The following MYO5B variants were observed in gnomAD, a reference collection of about 807,000 sequenced individuals.
MYO5B encodes unconventional myosin-Vb.
A neutral mutation model predicts 229.3 loss-of-function variants in MYO5B; 143 were observed. The observed-to-expected ratio is 0.62, with a 90% CI of 0.54 to 0.72. MYO5B has a LOEUF of 0.72. Among genes scored for constraint, MYO5B ranks in the 30% least tolerant of loss-of-function variants. The pLI, the probability that MYO5B is intolerant of heterozygous loss-of-function variation, is 0.00. For missense variants in MYO5B, 2,321 were observed against 2,331.0 expected (o/e 1.00, Z 0.09); for synonymous variants, 918 against 885.2 (o/e 1.04, Z -0.66).
At chr18:49,872,311 C>T (rs1171144902) in intron 26 of MYO5B, 79 bp from the exon 27 acceptor site, 2 of 1,422,488 alleles carry the variant, frequency 1.4e-6, no homozygotes, top group Non-Finnish European at 2.0e-6. Context: ...TGTGGTCAAA[C>T]TTGCTCATCC....
intron 33 of MYO5B, 59 bp from the exon 34 acceptor site, chr18:49,843,451 T>A: frequency 6.4e-7 from 1 of 1,561,114 alleles, no homozygotes; most frequent in Non-Finnish European, 8.8e-7. Context: ...ATGGAGGCTG[T>A]CAGAATCCTC....
At position 49,871,621 on chromosome 18, in the gene MYO5B, G is replaced by A. The variant is rs572817685; in HGVS notation, c.3603+546C>T. The A allele has an allele frequency of 3.8e-5, 7 of 184,994 alleles. No homozygotes were observed. In the South Asian group the frequency reaches 8.5e-4, roughly 22 times the overall value. 11.5% of individuals were successfully genotyped at this position (184,994 alleles called of 1,614,324 possible). ...AGAACAAGGAGTTCGATCTGTAACA[G>A]ACTGTGAACAGTCCATTGAAATAAC... On this transcript the variant is annotated intron_variant, in intron 27 of 39. Coordinates refer to ENST00000285039, the MANE Select transcript of MYO5B (RefSeq NM_001080467.3).
intron 1 of MYO5B, among the ~76,000 whole-genome samples, chr18:50,142,563 G>A (rs1348631384): frequency 1.3e-5 from 2 of 152,166 alleles, no homozygotes; most frequent in Non-Finnish European, 2.9e-5. Context: ...TAAAACCAAG[G>A]TATATAGGGG....
At chr18:49,850,706 A>AC (rs574076608) in intron 31 of MYO5B, 45 of 152,280 alleles carry the variant, frequency 3.0e-4, no homozygotes, top group African/African-American at 9.4e-4. Context: ...TCTCCTGTGA[A>AC]CCCTGAGTTC....
At chr18:49,921,446 C>T (rs748510749) in intron 17 of MYO5B, among the ~76,000 whole-genome samples, 2 of 152,106 alleles carry the variant, frequency 1.3e-5, no homozygotes, top group Middle Eastern at 3.2e-3. Context: ...GGAAAAGCCT[C>T]TCTTCCTGGG....
In MYO5B at chr18:49,849,652, T is replaced by C. The variant is rs2024174623; in HGVS notation, c.4230A>G (p.Lys1410=). The change falls in exon 32 of 40, where the codon AAA becomes AAG. Residue 1410 remains lysine (K), a synonymous_variant. Transcript: ENST00000285039. ...TCTTTTCCAGCTTTTCTACCAGTTC[T>C]TTAAGGTCCTGGAAGCAGAGGAAGC... is the stretch of plus-strand genomic sequence containing the variant. The part of the protein sequence containing the change: ...SRLTNENLDL[K]ELVEKLEKNE... 1 of 1,613,036 alleles carries C rather than the reference T, an allele frequency of 6.2e-7. No individual in the cohort carries two copies. Among genetic ancestry groups the C allele is most frequent in the Non-Finnish European group, 8.5e-7 (1 of 1,179,214 alleles).
intron 1 of MYO5B, among the ~76,000 whole-genome samples, chr18:50,130,702 C>T (rs554095717): frequency 7.2e-5 from 11 of 152,178 alleles, no homozygotes; most frequent in South Asian, 4.2e-4. Flanking sequence ...CCAGTTAGAA[C>T]GGTTCAGATG....
intron 30 of MYO5B, among the ~76,000 whole-genome samples, chr18:49,855,973 C>T (rs1173217478): frequency 6.6e-6 from 1 of 152,224 alleles, no homozygotes; most frequent in African/African-American, 2.4e-5. Context: ...CGATGACTAC[C>T]AGTCCATCTC....
chr18:49,833,660 G>C (rs577982514), intron 39 of MYO5B, among the ~76,000 whole-genome samples: 1 of 152,298 alleles, frequency 6.6e-6, no homozygotes, highest in East Asian at 1.9e-4. Flanking sequence ...AGCAGTTATA[G>C]TTCTCCCTCT....
At position 49,887,815 on chromosome 18, in the gene MYO5B, C is replaced by T. The variant is rs566104838; in HGVS notation, c.3045+7126G>A. Among the ~76,000 whole-genome samples, 30 of 151,076 alleles carry T rather than the reference C, an allele frequency of 2.0e-4. No individual in the cohort carries two copies. The South Asian group carries it at 4.0e-3, about 20-fold the overall frequency. ...CCTGCCTCAGCCTCCTGAGTAGCTG[C>T]GATTACAGGCATGCACCACCAAGCC... On this transcript the variant is annotated intron_variant, in intron 22 of 39. Transcript: ENST00000285039.
intron 1 of MYO5B, among the ~76,000 whole-genome samples, chr18:50,100,204 A>C (rs2031629335): frequency 6.6e-6 from 1 of 152,252 alleles, no homozygotes; most frequent in African/African-American, 2.4e-5. Context: ...GTAAATACTT[A>C]AATGACTAAT....
chr18:49,913,132 G>A (rs561230445), intron 17 of MYO5B, among the ~76,000 whole-genome samples: 2 of 152,150 alleles, frequency 1.3e-5, no homozygotes, highest in Non-Finnish European at 1.5e-5. Flanking sequence ...ATAATTAAGA[G>A]CATTTACAAC....
intron 14 of MYO5B, among the ~76,000 whole-genome samples, chr18:49,947,918 C>A (rs1631841): frequency 0.23 from 35,316 of 152,094 alleles, 5,852 homozygotes; most frequent in African/African-American, 0.47. Flanking sequence ...TTTGTTACAT[C>A]TGTATACATA....
chr18:50,012,587 A>T (rs949775528), intron 4 of MYO5B, among the ~76,000 whole-genome samples: 2 of 152,242 alleles, frequency 1.3e-5, no homozygotes, highest in African/African-American at 2.4e-5. Context: ...CACAAGCATT[A>T]AGATTCAGGT....
intron 16 of MYO5B, among the ~76,000 whole-genome samples, chr18:49,931,211 G>C (rs1184627119): frequency 6.6e-6 from 1 of 152,102 alleles, no homozygotes; most frequent in Non-Finnish European, 1.5e-5. Context: ...GAAAACAGTG[G>C]GCATTTGCCA....
intron 2 of MYO5B, among the ~76,000 whole-genome samples, chr18:50,054,427 C>G (rs1466258587): frequency 6.6e-6 from 1 of 152,202 alleles, no homozygotes; most frequent in East Asian, 1.9e-4. Flanking sequence ...ACTTTGTCTC[C>G]CTTTTGTGTT....
At chr18:49,987,814 C>G (rs939765497) in intron 7 of MYO5B, among the ~76,000 whole-genome samples, 6 of 152,120 alleles carry the variant, frequency 3.9e-5, no homozygotes, top group Admixed American at 3.9e-4. Context: ...GGATGTACCA[C>G]CAGAGATTGG....
At chr18:49,893,595 G>C (rs1321781933) in intron 22 of MYO5B, among the ~76,000 whole-genome samples, 2 of 152,166 alleles carry the variant, frequency 1.3e-5, no homozygotes, top group Middle Eastern at 3.2e-3. Context: ...GTGGGCAGAG[G>C]GCCCTCAAAG....
At chr18:50,028,888 C>T (rs1467880839) in intron 4 of MYO5B, among the ~76,000 whole-genome samples, 1 of 152,192 alleles carries the variant, frequency 6.6e-6, no homozygotes, top group African/African-American at 2.4e-5. Flanking sequence ...CCTCACAAAT[C>T]ATGTTGGGTA....
Sources: gnomAD v4.1 joint callset for allele counts (sites outside exome capture counted in the v4.1 genomes callset) on GRCh38, gnomAD v4.1.1 for gene constraint, MANE v1.5 for transcripts, NCBI Gene and HGNC (gene_info 2026-07-23, HGNC 2026-07-21) for gene names.